Variants in HBP1 observed in about 807,000 individuals in gnomAD.
The protein encoded by HBP1 is HMG box-containing protein 1.
In HBP1, 20 loss-of-function variants were observed where a neutral mutation model predicts 62.6. The ratio of observed to expected loss-of-function variants is 0.32; its 90% confidence interval spans 0.22 to 0.46. The LOEUF is 0.46. HBP1 is among the 20% of genes least tolerant of loss of function. The pLI is 1.00. For missense variants in HBP1, 480 were observed against 611.8 expected, an observed-to-expected ratio of 0.78 and a Z score of 2.27; for synonymous variants, 232 against 206.2, an observed-to-expected ratio of 1.12 and a Z score of -1.07.
intron 1 of HBP1, among the ~76,000 whole-genome samples, chr7:107,176,582 C>G (rs751659658): frequency 6.6e-5 from 10 of 152,092 alleles, no homozygotes; most frequent in African/African-American, 9.7e-5. Context: ...CAAAGCCATA[C>G]CCCACACCAA....
Position 107,195,403 on chromosome 7 carries a change from A to G in HBP1, c.1068-431A>G, listed in dbSNP as rs1295385604. Among the ~76,000 whole-genome samples, 4 of 152,260 alleles carry G rather than the reference A, an allele frequency of 2.6e-5. No individual in the cohort carries two copies. The South Asian group carries it at 8.3e-4, about 32-fold the overall frequency. On this transcript the variant is annotated intron_variant, in intron 8 of 10. Coordinates refer to ENST00000222574, the MANE Select transcript of HBP1 (RefSeq NM_012257.4). ...TTCTATAGTAGTCCTTAGGCCTGGT[A>G]TGTTGCCTGCCACTCCATTTTAATT...
intron 9 of HBP1, 73 bp from the exon 10 acceptor site, chr7:107,200,087 G>C (rs746454456): frequency 1.0e-4 from 124 of 1,221,028 alleles, no homozygotes; most frequent in Non-Finnish European, 1.4e-4. Context: ...TTTTTCTCCT[G>C]AAGTAGCAGC....
chr7:107,194,368 A>G (rs189757693), intron 8 of HBP1, among the ~76,000 whole-genome samples: 7 of 152,282 alleles, frequency 4.6e-5, no homozygotes. Flanking sequence ...GAAGTTTGCT[A>G]TTTTTCTAAA....
rs887716755 is a variant in HBP1, at chr7:107,180,085, T to C, written c.169+23T>C. On this transcript the variant is annotated intron_variant, in intron 2 of 10. Transcript: ENST00000222574. ...TTGGTAAGCAAAATTAAAAGTTATA[T>C]AGAAATCTCACTAAGATTCAGATAA... is the stretch of plus-strand genomic sequence containing the variant. 9 of 1,453,656 alleles carry C rather than the reference T, an allele frequency of 6.2e-6. 1 individual carries two copies. In the Admixed American group the frequency reaches 1.2e-4, roughly 20 times the overall value. The allele number at this position is 1,453,656 out of a possible 1,614,324, so 90.0% of individuals were successfully genotyped here.
In HBP1 at chr7:107,201,745, A is replaced by G. The variant is rs1798328217; in HGVS notation, c.*314A>G. 3.6e-6 allele frequency: 1 copy of G among 280,018 alleles called. No homozygotes were observed. 17.3% of individuals were successfully genotyped at this position (280,018 alleles called of 1,614,324 possible). ...TAAAGTACAGTAGAAAGAGAGGAGA[A>G]GTGTATACATGTTTTATTTTAAATT... On this transcript the variant is annotated 3_prime_UTR_variant, in exon 11 of 11. Transcript: ENST00000222574.
intron 2 of HBP1, among the ~76,000 whole-genome samples, chr7:107,181,036 G>A (rs1236527020): frequency 6.6e-6 from 1 of 152,182 alleles, no homozygotes; most frequent in African/African-American, 2.4e-5. Flanking sequence ...CAAAGGCAGT[G>A]AGGGAAAGGA....
intron 1 of HBP1, among the ~76,000 whole-genome samples, chr7:107,171,029 TAACATATACATGTATAA>T (rs1357256452): frequency 1.1e-4 from 15 of 137,394 alleles, no homozygotes; most frequent in African/African-American, 3.9e-4. Context: ...ATAAAATATA[TAACATATACATGTATAA>T]ATATATATAT....
chr7:107,185,463 C>T (rs902727313), intron 3 of HBP1, among the ~76,000 whole-genome samples: 12 of 151,972 alleles, frequency 7.9e-5, no homozygotes, highest in Admixed American at 6.6e-4. Context: ...ATGGATAGGA[C>T]GCCCTGCATT....
intron 4 of HBP1, among the ~76,000 whole-genome samples, chr7:107,186,156 CTTTT>C (rs946488645): frequency 7.9e-5 from 10 of 127,274 alleles, no homozygotes; most frequent in African/African-American, 1.8e-4. Context: ...TCTTTTTTTT[CTTTT>C]TTTTTCTTTT....
intron 1 of HBP1, among the ~76,000 whole-genome samples, chr7:107,171,503 G>A (rs927389891): frequency 1.3e-5 from 2 of 152,050 alleles, no homozygotes; most frequent in African/African-American, 4.8e-5. Context: ...GCAAGCTGGT[G>A]TTTTGTATAT....
At chr7:107,189,030 ATCC>A (rs1797520738) in intron 6 of HBP1, among the ~76,000 whole-genome samples, 1 of 152,196 alleles carries the variant, frequency 6.6e-6, no homozygotes, top group South Asian at 2.1e-4. Context: ...GGAATTGAAA[ATCC>A]TCCTTAATCT....
intron 1 of HBP1, among the ~76,000 whole-genome samples, chr7:107,175,807 C>T (rs1267720165): frequency 4.6e-5 from 7 of 151,462 alleles, no homozygotes; most frequent in Non-Finnish European, 8.8e-5. Context: ...AGCTCTGCCT[C>T]CCAGGTTCAC....
intron 9 of HBP1, 64 bp downstream of exon 9, chr7:107,196,215 T>C (rs1584502891): frequency 1.1e-6 from 1 of 940,658 alleles, no homozygotes; most frequent in Non-Finnish European, 1.7e-6. Context: ...TCATGGTAAC[T>C]GGAATAGTTA....
intron 10 of HBP1, 33 bp from the exon 11 acceptor site, chr7:107,201,380 TA>T (rs1430756095): frequency 4.2e-6 from 6 of 1,436,348 alleles, no homozygotes; most frequent in Non-Finnish European, 4.9e-6. Flanking sequence ...TATTGATTTG[TA>T]AACATTCACT....
chr7:107,196,128 G>T lies in HBP1; in HGVS notation c.1362G>T (p.Gln454His), dbSNP rs768849170. 1 of 1,600,250 alleles carries T rather than the reference G, an allele frequency of 6.2e-7. No homozygotes were observed. The highest frequency in any genetic ancestry group is 1.7e-5 in the Admixed American group (1 of 59,948). ...FAKKYRVEYT[Q>H]MYPGKDNRAI... ...AAAAATACAGAGTTGAATATACTCA[G>T]ATGTATCCAGGGAAAGATAACAGGT... The change falls in exon 9 of 11, where the codon CAG becomes CAT. Residue 454 changes from glutamine (Q) to histidine (H), a missense_variant. Gln to His is a conservative substitution (Grantham distance 24). This residue lies in a region of HBP1 where 52 missense variants were observed against 96.0 expected (regional missense o/e 0.54). Coordinates refer to ENST00000222574, the MANE Select transcript of HBP1 (RefSeq NM_012257.4).
At chr7:107,176,002 C>T (rs1450778051) in intron 1 of HBP1, among the ~76,000 whole-genome samples, 3 of 151,520 alleles carry the variant, frequency 2.0e-5, no homozygotes, top group Non-Finnish European at 4.4e-5. Context: ...AGGCGTGAGC[C>T]ACCGCACCCG....
chr7:107,181,799 G>A (rs1011810514), intron 2 of HBP1, among the ~76,000 whole-genome samples: 2 of 151,462 alleles, frequency 1.3e-5, no homozygotes, highest in Non-Finnish European at 2.9e-5. Context: ...GTTCCTTATA[G>A]TGCTTGGTGT....
chr7:107,198,605 C>G (rs1357088562), intron 9 of HBP1, among the ~76,000 whole-genome samples: 2 of 152,150 alleles, frequency 1.3e-5, no homozygotes, highest in Non-Finnish European at 2.9e-5. Context: ...TCACCTATCT[C>G]TAAACTGAAT....
At chr7:107,179,386 T>C (rs990677679) in intron 1 of HBP1, among the ~76,000 whole-genome samples, 1 of 152,212 alleles carries the variant, frequency 6.6e-6, no homozygotes, top group Non-Finnish European at 1.5e-5. Flanking sequence ...GATTTAGTGC[T>C]GAGTATTCAG....
Sources: gnomAD v4.1 joint callset for allele counts (sites outside exome capture counted in the v4.1 genomes callset) on GRCh38, gnomAD v4.1.1 for gene constraint, gnomAD v4.1.1 regional missense constraint, MANE v1.5 for transcripts, NCBI Gene and HGNC (gene_info 2026-07-23, HGNC 2026-07-21) for gene names.